Variants in ZMYM2 observed in about 807,000 individuals in gnomAD.
The protein encoded by ZMYM2 is zinc finger MYM-type protein 2.
ZMYM2 carries 56 observed loss-of-function variants against 162.8 expected under a neutral mutation model. That is an observed-to-expected ratio of 0.34 (90% CI 0.28 to 0.43). The LOEUF is 0.43. Ranked by LOEUF, ZMYM2 falls within the 20% of genes least tolerant of loss-of-function variation. The pLI is 1.00. For missense variants in ZMYM2, 1,275 were observed against 1,621.8 expected (o/e 0.79, Z 3.67); for synonymous variants, 510 against 541.6 (o/e 0.94, Z 0.81).
chr13:19,975,956 C>T (rs1956749469), intron 2 of ZMYM2, among the ~76,000 whole-genome samples: 1 of 151,960 alleles, frequency 6.6e-6, no homozygotes, highest in Admixed American at 6.6e-5. Context: ...CTCCTGGCCT[C>T]AATTGATTCT....
the ZMYM2 span, among the ~76,000 whole-genome samples, chr13:19,948,760 G>A: frequency 6.6e-6 from 1 of 152,166 alleles, no homozygotes; most frequent in African/African-American, 2.4e-5. Context: ...GTTGCTAGTG[G>A]GGAAGGCTAT....
the ZMYM2 span, among the ~76,000 whole-genome samples, chr13:19,941,581 ATTGGCTAG>A: frequency 6.6e-6 from 1 of 152,044 alleles, no homozygotes. Flanking sequence ...TTTATAACCA[ATTGGCTAG>A]TTGGCTTTCT....
chr13:20,071,993 C>T (rs554884682), intron 21 of ZMYM2: 20 of 185,230 alleles, frequency 1.1e-4, no homozygotes, highest in Non-Finnish European at 2.1e-4. Context: ...TGGGATTGTC[C>T]TCTTTGGAAA....
the ZMYM2 span, among the ~76,000 whole-genome samples, chr13:19,939,133 C>T: frequency 9.3e-5 from 14 of 149,754 alleles, no homozygotes; most frequent in East Asian, 3.9e-4. Context: ...AAGTGATTCT[C>T]GTGCCTCAGG....
chr13:20,030,315 C>G (rs1387899958), intron 9 of ZMYM2, among the ~76,000 whole-genome samples: 3 of 151,284 alleles, frequency 2.0e-5, no homozygotes, highest in Non-Finnish European at 4.4e-5. Flanking sequence ...ACTGCAACCT[C>G]CGCCTCCTGG....
chr13:19,971,244 GTATA>G (rs1555278426), intron 2 of ZMYM2, among the ~76,000 whole-genome samples: 5 of 50,128 alleles, frequency 1.0e-4, no homozygotes, highest in Admixed American at 2.9e-4. Context: ...GTGTGTGTGT[GTATA>G]TATATATATA....
In ZMYM2 at chr13:20,082,872, C is replaced by A; in HGVS notation, c.3660C>A (p.Phe1220Leu). 1 of 1,613,894 alleles carries A rather than the reference C, an allele frequency of 6.2e-7. No individual in the cohort carries two copies. The highest frequency in any genetic ancestry group is 8.5e-7 in the Non-Finnish European group (1 of 1,179,856). ...HSPVALLNTL[F>L]YFNTKYFGLK... is the part of the protein sequence containing the mutation. Reference sequence around the variant, plus strand: ...CAGTAGCTCTTCTGAATACACTGTTCTACTTTAACACTAAGTATTTTGGCC... The same window carrying A: ...CAGTAGCTCTTCTGAATACACTGTTATACTTTAACACTAAGTATTTTGGCC... Residue 1220 changes from phenylalanine (F) to leucine (L), a missense_variant, in exon 23 of 25, where the codon TTC becomes TTA. Phe to Leu is a conservative substitution (Grantham distance 22, BLOSUM62 0). Transcript: ENST00000610343.
intron 1 of ZMYM2, among the ~76,000 whole-genome samples, chr13:19,959,042 C>A (rs2138993893): frequency 6.6e-6 from 1 of 151,942 alleles, no homozygotes; most frequent in Non-Finnish European, 1.5e-5. Context: ...CGCGTCGGGG[C>A]CTCGGGGGCA....
chr13:19,887,401 C>T, the ZMYM2 span, among the ~76,000 whole-genome samples: 27 of 151,522 alleles, frequency 1.8e-4, no homozygotes, highest in South Asian at 8.3e-4. Context: ...TGGTGGCGGG[C>T]GCCTGTAATC....
At position 19,992,084 on chromosome 13, in the gene ZMYM2, G is replaced by A. The variant is rs1040679088; in HGVS notation, c.-10-979G>A. Among the ~76,000 whole-genome samples the A allele has an allele frequency of 9.9e-5, 15 of 152,154 alleles. 1 individual carries two copies. The highest frequency in any genetic ancestry group is 8.5e-4 in the Admixed American group (13 of 15,276). On this transcript the variant is annotated intron_variant, in intron 2 of 24. Transcript: ENST00000610343. Reference sequence around the variant, plus strand: ...TTGTAGGTTCCAGGAATGGGGACCTGATATCTTTGGTGACCTTTATTCAGC... The same window carrying A: ...TTGTAGGTTCCAGGAATGGGGACCTAATATCTTTGGTGACCTTTATTCAGC...
chr13:20,061,245 C>T (rs1331498134), intron 17 of ZMYM2, 21 bp downstream of exon 17: 2 of 1,608,982 alleles, frequency 1.2e-6, no homozygotes, highest in East Asian at 2.2e-5. Context: ...CTAAATTATA[C>T]CTTGCGAATA....
intron 12 of ZMYM2, among the ~76,000 whole-genome samples, chr13:20,043,037 T>A (rs1954417230): frequency 6.6e-6 from 1 of 152,160 alleles, no homozygotes; most frequent in Non-Finnish European, 1.5e-5. Flanking sequence ...TTTTTTTTCT[T>A]GTATCCTATA....
At chr13:19,900,710 T>C in the ZMYM2 span, among the ~76,000 whole-genome samples, 1 of 151,948 alleles carries the variant, frequency 6.6e-6, no homozygotes, top group African/African-American at 2.4e-5. Context: ...CTGTGCTTGG[T>C]AAATAATAAT....
chr13:20,088,846 T>C lies in ZMYM2; in HGVS notation c.*2832T>C, dbSNP rs140727584. On this transcript the variant is annotated 3_prime_UTR_variant, in exon 25 of 25. Transcript: ENST00000610343. ...TCTTTATGCATAGTATTAAGGGTTA[T>C]AGTATGAAGAAATCATAAAATTGCA... 53 of 194,782 alleles carry C rather than the reference T, an allele frequency of 2.7e-4. No homozygotes were observed. The highest frequency in any genetic ancestry group is 5.0e-4 in the Non-Finnish European group (47 of 93,426). The allele number at this position is 194,782 out of a possible 1,614,324, so 12.1% of individuals were successfully genotyped here.
chr13:19,878,008 G>T, the ZMYM2 span, among the ~76,000 whole-genome samples: 1 of 151,746 alleles, frequency 6.6e-6, no homozygotes, highest in Admixed American at 6.6e-5. Flanking sequence ...AGTGCACAAG[G>T]GTTCCAATTT....
intron 2 of ZMYM2, among the ~76,000 whole-genome samples, chr13:19,987,524 A>G (rs1324045012): frequency 2.0e-5 from 3 of 150,946 alleles, no homozygotes; most frequent in East Asian, 2.0e-4. Flanking sequence ...GGGCCTCCCA[A>G]AGTGCTGGGA....
the ZMYM2 span, among the ~76,000 whole-genome samples, chr13:19,871,825 GA>G: frequency 5.9e-5 from 9 of 152,044 alleles, no homozygotes; most frequent in African/African-American, 2.2e-4. Context: ...AAATATTAAA[GA>G]ATGGATCATG....
chr13:20,031,256 G>T, intron 9 of ZMYM2, 63 bp from the exon 10 acceptor site: 1 of 1,137,328 alleles, frequency 8.8e-7, no homozygotes, highest in Non-Finnish European at 1.3e-6. Flanking sequence ...ATATATGACA[G>T]TAATCACAAA....
Position 20,062,964 on chromosome 13 carries a change from TC to T in ZMYM2, c.3033del (p.Arg1012GlufsTer65). The T allele has an allele frequency of 6.2e-7, 1 of 1,600,254 alleles. No homozygotes were observed. Among genetic ancestry groups the T allele is most frequent in the Non-Finnish European group, 8.5e-7 (1 of 1,172,970 alleles). Reference protein sequence around the residue: ...EPDLDIEIDFPRAAEELDMEN... With the variant: ...EPDLDIEIDFXRAAEELDMEN... ...CAGATTTGGATATCGAAATAGATTT[TC>T]CCAGAGGTACTCAAAACCTTTATGA... On this transcript the variant is annotated frameshift_variant, in exon 18 of 25. Coordinates refer to ENST00000610343, the MANE Select transcript of ZMYM2 (RefSeq NM_197968.4). LOFTEE classifies it high-confidence loss of function.
Sources: gnomAD v4.1 joint callset for allele counts (sites outside exome capture counted in the v4.1 genomes callset) on GRCh38, gnomAD v4.1.1 for gene constraint, MANE v1.5 for transcripts, NCBI Gene and HGNC (gene_info 2026-07-23, HGNC 2026-07-21) for gene names.